The following GRIK4 variants were observed in gnomAD, a reference collection of about 807,000 sequenced individuals.
The protein encoded by GRIK4 is glutamate receptor ionotropic, kainate 4.
GRIK4 carries 40 observed loss-of-function variants against 104.9 expected under a neutral mutation model. The ratio of observed to expected loss-of-function variants is 0.38; its 90% CI spans 0.30 to 0.50. The LOEUF is 0.50. Ranked by LOEUF, GRIK4 falls within the 20% of genes least tolerant of loss-of-function variation. GRIK4 has a pLI of 0.93. For missense variants in GRIK4, 1,047 were observed against 1,308.1 expected, an observed-to-expected ratio of 0.80 and a Z score of 3.08; for synonymous variants, 485 against 524.9, an observed-to-expected ratio of 0.92 and a Z score of 1.04.
chr11:120,954,996 C>T (rs1049271731), intron 15 of GRIK4, among the ~76,000 whole-genome samples: 1 of 152,072 alleles, frequency 6.6e-6, no homozygotes, highest in African/African-American at 2.4e-5. Flanking sequence ...TCCAGACCAG[C>T]TCTACTTTTA....
At chr11:120,964,185 T>G (rs932870818) in intron 18 of GRIK4, among the ~76,000 whole-genome samples, 8 of 151,962 alleles carry the variant, frequency 5.3e-5, no homozygotes, top group Non-Finnish European at 8.8e-5. Flanking sequence ...AGAGACGGGG[T>G]TTCACCATGT....
intron 1 of GRIK4, among the ~76,000 whole-genome samples, chr11:120,517,003 C>T (rs896647865): frequency 6.7e-6 from 1 of 149,498 alleles, no homozygotes; most frequent in African/African-American, 2.5e-5. Flanking sequence ...CAGCTTAAGG[C>T]ATCTCGCGTG....
At position 120,630,960 on chromosome 11, in the gene GRIK4, T is replaced by C. The variant is rs1293074518; in HGVS notation, c.-158-22725T>C. 2.6e-5 allele frequency among the ~76,000 whole-genome samples: 4 copies of C among 152,190 alleles called. No individual in the cohort carries two copies. The East Asian group carries it at 7.7e-4, about 29-fold the overall frequency. On this transcript the variant is annotated intron_variant, in intron 1 of 20. Transcript: ENST00000527524. ...AGCACTCCAGCCGAGCGGTTAAGAA[T>C]GGTGGGCTGCACAGTGCTGGTGGTC... is the stretch of plus-strand genomic sequence containing the variant.
intron 4 of GRIK4, 100 bp downstream of exon 4, chr11:120,802,957 T>G (rs1952648168): frequency 9.9e-7 from 1 of 1,014,318 alleles, no homozygotes; most frequent in Non-Finnish European, 1.5e-6. Context: ...CTGAGATATC[T>G]GATGTCGATA....
At chr11:120,794,839 G>C (rs1952479498) in intron 3 of GRIK4, among the ~76,000 whole-genome samples, 1 of 152,176 alleles carries the variant, frequency 6.6e-6, no homozygotes, top group Non-Finnish European at 1.5e-5. Context: ...GCCCAGCCTG[G>C]TGCCCCAGGT....
At chr11:120,897,314 G>T (rs1942606762) in intron 11 of GRIK4, among the ~76,000 whole-genome samples, 1 of 151,366 alleles carries the variant, frequency 6.6e-6, no homozygotes, top group South Asian at 2.1e-4. Context: ...CAACAGTAAT[G>T]TATTGTACAT....
At chr11:120,519,986 G>C (rs1428687275) in intron 1 of GRIK4, among the ~76,000 whole-genome samples, 2 of 150,838 alleles carry the variant, frequency 1.3e-5, no homozygotes, top group African/African-American at 4.9e-5. Flanking sequence ...TCCGCCTCCT[G>C]GGTTCAAGCG....
chr11:120,843,847 G>T (rs1953785676), intron 8 of GRIK4, among the ~76,000 whole-genome samples: 1 of 152,168 alleles, frequency 6.6e-6, no homozygotes, highest in Non-Finnish European at 1.5e-5. Flanking sequence ...AGTGAGGGGA[G>T]AATGCCCCAT....
intron 3 of GRIK4, among the ~76,000 whole-genome samples, chr11:120,798,459 G>GTTTTGT (rs1952563942): frequency 1.3e-5 from 2 of 151,896 alleles, no homozygotes; most frequent in Non-Finnish European, 2.9e-5. Context: ...ACTATGCCAG[G>GTTTTGT]TTTTGTTTTT....
At chr11:120,937,236 A>C (rs1220387291) in intron 13 of GRIK4, among the ~76,000 whole-genome samples, 1 of 151,758 alleles carries the variant, frequency 6.6e-6, no homozygotes, top group Non-Finnish European at 1.5e-5. Flanking sequence ...ACAGAGTTTC[A>C]CCGTGTTGGC....
At chr11:120,815,822 G>A (rs7104632) in intron 5 of GRIK4, among the ~76,000 whole-genome samples, 3,770 of 152,228 alleles carry the variant, frequency 0.025, 159 homozygotes, top group African/African-American at 0.082. Flanking sequence ...ACGTCTGAGC[G>A]TCCACTCTCG....
chr11:120,800,494 A>G (rs1952602366), intron 3 of GRIK4, among the ~76,000 whole-genome samples: 1 of 152,104 alleles, frequency 6.6e-6, no homozygotes, highest in African/African-American at 2.4e-5. Flanking sequence ...AAATGTTCCC[A>G]GGCTCTTCAG....
rs191639777 is a variant in GRIK4 at position 120,747,316 on chromosome 11, G to A, written c.83-55377G>A. 3.3e-5 allele frequency among the ~76,000 whole-genome samples: 5 copies of A among 152,294 alleles called. No homozygotes were observed. The East Asian group carries it at 5.8e-4, about 18-fold the overall frequency. On this transcript the variant is annotated intron_variant, in intron 3 of 20. Coordinates refer to ENST00000527524, the MANE Select transcript of GRIK4 (RefSeq NM_014619.5). ...TTTGTTGGAAGCTGATTAACTGCACGTCCCAACAGGCACTGGGCAACTTCA... is the reference window on the plus strand; with the variant it reads ...TTTGTTGGAAGCTGATTAACTGCACATCCCAACAGGCACTGGGCAACTTCA...
rs1423322169 is a variant in GRIK4, at chr11:120,864,030, T to G, written c.906+1910T>G. Among the ~76,000 whole-genome samples, 3 of 152,188 alleles carry G rather than the reference T, an allele frequency of 2.0e-5. No individual in the cohort carries two copies. The East Asian group carries it at 5.8e-4, about 29-fold the overall frequency. On this transcript the variant is annotated intron_variant, in intron 9 of 20. Coordinates refer to ENST00000527524, the MANE Select transcript of GRIK4 (RefSeq NM_014619.5). ...AGAGGCAAAAATCCATGGGAAGGAC[T>G]GGGAAGGGCAGCTGAAGGAAGGAGT...
chr11:120,525,379 G>T (rs773229723), intron 1 of GRIK4, among the ~76,000 whole-genome samples: 4 of 152,112 alleles, frequency 2.6e-5, no homozygotes, highest in Non-Finnish European at 4.4e-5. Context: ...CTCACCAGGA[G>T]CCTCCCATCA....
intron 1 of GRIK4, among the ~76,000 whole-genome samples, chr11:120,594,697 A>C (rs1431680444): frequency 4.6e-5 from 7 of 152,104 alleles, no homozygotes; most frequent in African/African-American, 1.7e-4. Flanking sequence ...TCTTCCATGA[A>C]AGAGGTGGTG....
intron 2 of GRIK4, among the ~76,000 whole-genome samples, chr11:120,656,982 C>T (rs550497763): frequency 2.0e-4 from 30 of 152,310 alleles, no homozygotes; most frequent in African/African-American, 7.2e-4. Flanking sequence ...TAATCTGACA[C>T]CTATTTAGCA....
chr11:120,952,797 C>G lies in GRIK4; in HGVS notation c.1591-58C>G. 1 of 1,214,420 alleles carries G rather than the reference C, an allele frequency of 8.2e-7. No homozygotes were observed. The highest frequency in any genetic ancestry group is 1.7e-5 in the Admixed American group (1 of 59,508). 75.2% of individuals were successfully genotyped at this position (1,214,420 alleles called of 1,614,324 possible). On this transcript the variant is annotated intron_variant, in intron 14 of 20. Coordinates refer to ENST00000527524, the MANE Select transcript of GRIK4 (RefSeq NM_014619.5). The surrounding 1 kb of genome is among the most constrained non-coding windows in gnomAD (Gnocchi z 5.2). ...ACCTCCTCTACCCCGCCCTGCCTGC[C>G]CCAAGGTCATGTTGACTGAATATGT...
At chr11:120,535,481 G>T (rs764517617) in intron 1 of GRIK4, among the ~76,000 whole-genome samples, 12 of 152,110 alleles carry the variant, frequency 7.9e-5, no homozygotes, top group Non-Finnish European at 1.3e-4. Flanking sequence ...CTGGAGCAGT[G>T]CTGAGGGCAG....
Sources: gnomAD v4.1 joint callset for allele counts (sites outside exome capture counted in the v4.1 genomes callset) on GRCh38, gnomAD v4.1.1 for gene constraint, Gnocchi (gnomAD v3.1) non-coding constraint, MANE v1.5 for transcripts, NCBI Gene and HGNC (gene_info 2026-07-23, HGNC 2026-07-21) for gene names.